The following NEDD9 variants were observed in gnomAD, a reference collection of about 807,000 sequenced individuals.
NEDD9 encodes neural precursor cell expressed, developmentally down-regulated 9, also known as enhancer of filamentation 1.
A neutral mutation model predicts 76.6 loss-of-function variants in NEDD9; 26 were observed. The ratio of observed to expected loss-of-function variants is 0.34; its 90% CI spans 0.25 to 0.47. The LOEUF is 0.47. NEDD9 is among the 20% of genes least tolerant of loss of function. The pLI, the probability that NEDD9 is intolerant of heterozygous loss-of-function variation, is 1.00. For missense variants in NEDD9, 937 were observed against 1,058.5 expected (o/e 0.89, Z 1.59); for synonymous variants, 392 against 414.2 (o/e 0.95, Z 0.65).
Position 11,241,675 on chromosome 6 carries a change from G to A in NEDD9, c.13-27948C>T, listed in dbSNP as rs1268709553. ...TAAACACCAAATGGCCACTAGTAATGCCCAGGGTACCTCATTTCTTCAGGG... is the reference window on the plus strand; with the variant it reads ...TAAACACCAAATGGCCACTAGTAATACCCAGGGTACCTCATTTCTTCAGGG... On this transcript the variant is annotated intron_variant, in intron 3 of 3. Transcript: ENST00000397378. The surrounding 1 kb of genome is among the most constrained non-coding windows in gnomAD (Gnocchi z 4.0). 1.3e-5 allele frequency among the ~76,000 whole-genome samples: 2 copies of A among 152,146 alleles called. No individual in the cohort carries two copies. Among genetic ancestry groups the A allele is most frequent in the African/African-American group, 4.8e-5 (2 of 41,416 alleles).
At chr6:11,380,284 G>A (rs1223806968) in intron 1 of NEDD9, among the ~76,000 whole-genome samples, 3 of 152,216 alleles carry the variant, frequency 2.0e-5, no homozygotes, top group Non-Finnish European at 2.9e-5. Context: ...TGCAGAGTTC[G>A]AGGACATGTA....
chr6:11,233,290 T>G (rs748226980), upstream of NEDD9: 1 of 519,024 alleles, frequency 1.9e-6, no homozygotes, highest in South Asian at 1.4e-5. Context: ...TCTCCCTTAG[T>G]GAAAAGGAAC....
intron 3 of NEDD9, among the ~76,000 whole-genome samples, chr6:11,289,795 G>T (rs1760727715): frequency 6.6e-6 from 1 of 151,996 alleles, no homozygotes; most frequent in African/African-American, 2.4e-5. Flanking sequence ...GCTGTTATAG[G>T]TCAGGGGTGG....
In NEDD9 at chr6:11,185,562, G is replaced by C; in HGVS notation, c.2105C>G (p.Ala702Gly). Residue 702 changes from alanine to glycine, a missense_variant, in exon 7 of 7, where the codon GCT becomes GGT. By Grantham distance (60) the Ala-to-Gly change is moderately conservative. Coordinates refer to ENST00000379446, the MANE Select transcript of NEDD9 (RefSeq NM_006403.4). ...SLPTTNSGVSAQDRQLLCFYY... is the reference protein window; with the variant it reads ...SLPTTNSGVSGQDRQLLCFYY... ...GAAGCACAGCAACTGCCGATCCTGA[G>C]CACTCACGCCACTGTTTGTGGTGGG... 1 of 1,614,202 alleles carries C rather than the reference G, an allele frequency of 6.2e-7. No individual in the cohort carries two copies. Among genetic ancestry groups the C allele is most frequent in the African/African-American group, 1.3e-5 (1 of 75,032 alleles).
At chr6:11,199,423 T>G (rs191399981) in intron 2 of NEDD9, 19 of 152,346 alleles carry the variant, frequency 1.2e-4, no homozygotes, top group Non-Finnish European at 2.9e-5. Context: ...ACTTCCCTCA[T>G]AGGCTATATG....
At chr6:11,267,056 G>C (rs1297092065) in intron 3 of NEDD9, among the ~76,000 whole-genome samples, 1 of 152,194 alleles carries the variant, frequency 6.6e-6, no homozygotes, top group African/African-American at 2.4e-5. Context: ...CCATGTCAAA[G>C]AGAATCTGCA....
chr6:11,209,975 T>TTTTTTTTTTTTTTTTTTTTG (rs1167935311), intron 2 of NEDD9, among the ~76,000 whole-genome samples: 1 of 150,342 alleles, frequency 6.7e-6, no homozygotes, highest in Non-Finnish European at 1.5e-5. Context: ...ACTGTCTTTT[T>TTTTTTTTTTTTTTTTTTTTG]TTTTTCCTTA....
chr6:11,309,500 G>T (rs924107470), intron 2 of NEDD9, among the ~76,000 whole-genome samples: 2 of 152,142 alleles, frequency 1.3e-5, no homozygotes. Flanking sequence ...TCTTGCCTCA[G>T]CCTCCTGAGT....
chr6:11,261,223 G>GT (rs1234515878), intron 3 of NEDD9, among the ~76,000 whole-genome samples: 1 of 152,092 alleles, frequency 6.6e-6, no homozygotes, highest in Non-Finnish European at 1.5e-5. Flanking sequence ...ATTATCAAGC[G>GT]TTTTCACATT....
chr6:11,214,222 T>A, intron 1 of NEDD9: 2 of 518,242 alleles, frequency 3.9e-6, no homozygotes, highest in South Asian at 2.8e-5. Context: ...GAAAAGCCAA[T>A]AGAAGTACAC....
intron 3 of NEDD9, among the ~76,000 whole-genome samples, chr6:11,287,202 G>A (rs1292203097): frequency 5.3e-5 from 8 of 152,148 alleles, no homozygotes; most frequent in South Asian, 2.1e-4. Flanking sequence ...CCAGGCAGGC[G>A]GATCCACTTG....
intron 3 of NEDD9, among the ~76,000 whole-genome samples, chr6:11,279,439 A>T (rs975058742): frequency 2.0e-5 from 3 of 152,244 alleles, no homozygotes; most frequent in Non-Finnish European, 4.4e-5. Context: ...GTTCTCCTGG[A>T]AACGGTCCGC....
At chr6:11,240,971 C>T (rs1255623179) in intron 3 of NEDD9, among the ~76,000 whole-genome samples, 1 of 152,210 alleles carries the variant, frequency 6.6e-6, no homozygotes, top group African/African-American at 2.4e-5. Context: ...GCCTCTCTCT[C>T]CTGTTTTCTC....
intron 1 of NEDD9, among the ~76,000 whole-genome samples, chr6:11,369,253 C>A (rs1279178193): frequency 6.6e-6 from 1 of 152,176 alleles, no homozygotes; most frequent in African/African-American, 2.4e-5. Flanking sequence ...TATGCCATGA[C>A]TTTCTTACAT....
chr6:11,268,351 A>C (rs531913109), intron 3 of NEDD9, among the ~76,000 whole-genome samples: 2 of 152,264 alleles, frequency 1.3e-5, no homozygotes, highest in South Asian at 4.2e-4. Flanking sequence ...TACTTATAGA[A>C]GCATTCATTG....
chr6:11,245,572 C>T (rs897415159), intron 3 of NEDD9, among the ~76,000 whole-genome samples: 1 of 152,176 alleles, frequency 6.6e-6, no homozygotes, highest in African/African-American at 2.4e-5. Flanking sequence ...AGAGGCTGCC[C>T]TACTTCTTAA....
chr6:11,294,596 C>T (rs1050131408), intron 3 of NEDD9, among the ~76,000 whole-genome samples: 6 of 152,144 alleles, frequency 3.9e-5, no homozygotes, highest in Non-Finnish European at 8.8e-5. Flanking sequence ...GCCCATCAAA[C>T]CTCTTTTCTT....
rs753011902 is a variant in NEDD9 at position 11,185,587 on chromosome 6, G to A, written c.2080C>T (p.Pro694Ser). The A allele has an allele frequency of 1.1e-5, 17 of 1,614,090 alleles. No homozygotes were observed. The East Asian group carries it at 3.8e-4, about 36-fold the overall frequency. The part of the protein sequence containing the change: ...ISKWKPSQSL[P>S]TTNSGVSAQD... ...GCACTCACGCCACTGTTTGTGGTGG[G>A]TAGGCTCTGAGAGGGCTTCCACTTC... Residue 694 changes from proline to serine, a missense_variant, in exon 7 of 7, where the codon CCC (proline) becomes TCC (serine). Pro to Ser is a moderately conservative substitution (Grantham distance 74, BLOSUM62 -1). Coordinates refer to ENST00000379446, the MANE Select transcript of NEDD9 (RefSeq NM_006403.4).
intron 2 of NEDD9, among the ~76,000 whole-genome samples, chr6:11,307,360 C>T (rs1166661592): frequency 6.6e-6 from 1 of 152,178 alleles, no homozygotes; most frequent in Non-Finnish European, 1.5e-5. Context: ...GAATTTTCCT[C>T]TGAGGCACTT....
Sources: allele counts gnomAD v4.1 joint callset (sites outside exome capture counted in the v4.1 genomes callset), GRCh38; gene constraint gnomAD v4.1.1; non-coding constraint Gnocchi (gnomAD v3.1); transcripts MANE v1.5; gene names NCBI Gene and HGNC (gene_info 2026-07-23, HGNC 2026-07-21).